CCNJL: variants seen among roughly 807,000 people sequenced by gnomAD.
CCNJL encodes cyclin-J-like protein.
In CCNJL, 33 loss-of-function variants were observed where a neutral mutation model predicts 33.4. That is an observed-to-expected ratio of 0.99 (90% CI 0.75 to 1.32). The LOEUF is 1.32. CCNJL is among the 40% of genes most tolerant of loss of function. The pLI, the probability that CCNJL is intolerant of heterozygous loss-of-function variation, is 0.00. For missense variants in CCNJL, 512 were observed against 499.7 expected (o/e 1.02, Z -0.23); for synonymous variants, 227 against 220.9 (o/e 1.03, Z -0.24).
chr5:160,273,707 C>T (rs1248357220), intron 3 of CCNJL, among the ~76,000 whole-genome samples: 4 of 132,248 alleles, frequency 3.0e-5, no homozygotes, highest in South Asian at 4.8e-4. Flanking sequence ...GGTACAGTGG[C>T]GCGATCTTGG....
At position 160,259,487 on chromosome 5, in the gene CCNJL, G is replaced by A. The variant is rs766213577; in HGVS notation, c.565C>T (p.Leu189=). The A allele has an allele frequency of 7.4e-6, 12 of 1,613,274 alleles. No individual in the cohort carries two copies. The highest frequency in any genetic ancestry group is 1.3e-5 in the African/African-American group (1 of 75,044). Reference sequence around the variant, plus strand: ...CTGTCACCTTGCAGGGTGACCTCTAGGAAGTAATGGGCATACTCCTTGAGG... The same window carrying A: ...CTGTCACCTTGCAGGGTGACCTCTAAGAAGTAATGGGCATACTCCTTGAGG... The part of the protein sequence containing the change: ...ECLKEYAHYF[L]EVTLQDHIFY... The change falls in exon 4 of 6, where the codon CTA becomes TTA. Residue 189 remains leucine, a synonymous_variant. Coordinates refer to ENST00000257536, the MANE Select transcript of CCNJL (RefSeq NM_001308173.3).
At chr5:160,254,410 T>C in intron 5 of CCNJL, 1 of 601,082 alleles carries the variant, frequency 1.7e-6, no homozygotes, top group Non-Finnish European at 2.9e-6. Flanking sequence ...AATTAGAGGC[T>C]TATGTAAGGC....
At chr5:160,305,717 G>C (rs950693909) in intron 2 of CCNJL, among the ~76,000 whole-genome samples, 1 of 152,120 alleles carries the variant, frequency 6.6e-6, no homozygotes. Context: ...TACAATCCGC[G>C]GTTTCATCTC....
In CCNJL at chr5:160,322,051, G is replaced by A. The variant is rs143570949; in HGVS notation, n.207-6546C>T. 5.4e-3 allele frequency among the ~76,000 whole-genome samples: 824 copies of A among 152,272 alleles called. 12 individuals are homozygous for A. Among genetic ancestry groups the A allele is most frequent in the African/African-American group, 0.019 (780 of 41,538 alleles). Reference sequence around the variant, plus strand: ...GAGATGGGGCTGGCTTGGGCAGGGGGAAGAGGTGAAGGGAGTGAGGAGGGG... The same window carrying A: ...GAGATGGGGCTGGCTTGGGCAGGGGAAAGAGGTGAAGGGAGTGAGGAGGGG... On this transcript the variant is annotated intron_variant and non_coding_transcript_variant, in intron 1 of 7. Coordinates refer to the CCNJL transcript ENST00000377503.
At chr5:160,259,228 A>T (rs994253601) in intron 4 of CCNJL, among the ~76,000 whole-genome samples, 3 of 152,226 alleles carry the variant, frequency 2.0e-5, no homozygotes, top group Non-Finnish European at 4.4e-5. Context: ...TTACCAGTTG[A>T]TCTGTAAGTT....
intron 2 of CCNJL, among the ~76,000 whole-genome samples, chr5:160,284,583 C>CT (rs969086237): frequency 8.5e-5 from 13 of 152,216 alleles, no homozygotes; most frequent in Admixed American, 6.5e-5. Flanking sequence ...CCCATTGTCT[C>CT]TGAGGGGAGG....
chr5:160,258,211 C>T, intron 4 of CCNJL: 1 of 588,662 alleles, frequency 1.7e-6, no homozygotes, highest in South Asian at 1.8e-5. Flanking sequence ...GTTGTATCAA[C>T]AGTATTTTTT....
rs377363287 is a variant in CCNJL at position 160,253,592 on chromosome 5, C to T, written c.950G>A (p.Arg317His). The T allele has an allele frequency of 3.8e-5, 62 of 1,613,840 alleles. No homozygotes were observed. The highest frequency in any genetic ancestry group is 1.6e-4 in the Middle Eastern group (1 of 6,082). The change falls in exon 6 of 6, where the codon CGT becomes CAT. Residue 317 changes from arginine (R) to histidine (H), a missense_variant. Arg to His is a conservative substitution (Grantham distance 29). Transcript: ENST00000257536. ...LAYRDSLQAH[R>H]SGSLLSGSTG... ...ACTCCCCGAGAGCAGGCTCCCTGAA[C>T]GGTGGGCCTGCAAGGAGTCCCGATA...
chr5:160,278,043 G>C (rs996755425), intron 3 of CCNJL, among the ~76,000 whole-genome samples: 2 of 152,138 alleles, frequency 1.3e-5, no homozygotes, highest in Non-Finnish European at 2.9e-5. Flanking sequence ...GAGTAGCTGG[G>C]ATTACAGGCA....
chr5:160,315,371 G>C (rs969283658), upstream of CCNJL: 3 of 383,838 alleles, frequency 7.8e-6, no homozygotes, highest in Non-Finnish European at 1.6e-5. Flanking sequence ...GCCAGGTGTG[G>C]TGGTATACAC....
chr5:160,291,524 G>A (rs981130683), intron 2 of CCNJL, among the ~76,000 whole-genome samples: 22 of 152,192 alleles, frequency 1.4e-4, no homozygotes, highest in African/African-American at 5.3e-4. Context: ...TTTGGGGGCA[G>A]AGTAACATCC....
At chr5:160,321,039 T>C (rs1763451866) in intron 1 of CCNJL, among the ~76,000 whole-genome samples, 1 of 99,240 alleles carries the variant, frequency 1.0e-5, no homozygotes, top group Non-Finnish European at 1.9e-5. Context: ...TCTTTCTTTC[T>C]TTCTTTCTTT....
chr5:160,321,074 C>CTT (rs1265965783), intron 1 of CCNJL, among the ~76,000 whole-genome samples: 1 of 112,144 alleles, frequency 8.9e-6, no homozygotes, highest in African/African-American at 5.2e-5. Flanking sequence ...TTCTTTCTTT[C>CTT]TTTCTTTCTT....
chr5:160,339,359 C>CAAAA, intron 1 of CCNJL: 5 of 220,012 alleles, frequency 2.3e-5, no homozygotes, highest in African/African-American at 3.9e-5. Flanking sequence ...ACATGCAAAA[C>CAAAA]AAAAAAAAAA....
At chr5:160,328,305 C>T (rs1169326145) in intron 1 of CCNJL, among the ~76,000 whole-genome samples, 1 of 152,196 alleles carries the variant, frequency 6.6e-6, no homozygotes, top group Non-Finnish European at 1.5e-5. Context: ...GTCACCCTGG[C>T]TGCAGCATGA....
At chr5:160,291,918 GA>G (rs1283283784) in intron 2 of CCNJL, among the ~76,000 whole-genome samples, 1 of 152,140 alleles carries the variant, frequency 6.6e-6, no homozygotes, top group East Asian at 1.9e-4. Flanking sequence ...CAGGGGTGGG[GA>G]ACCACCAGGT....
chr5:160,289,802 C>A (rs988868360), intron 2 of CCNJL, among the ~76,000 whole-genome samples: 34 of 152,142 alleles, frequency 2.2e-4, no homozygotes, highest in African/African-American at 8.2e-4. Flanking sequence ...TTTTCCCAAC[C>A]CCCGTCCCCA....
chr5:160,285,575 C>T (rs1361653898), intron 2 of CCNJL, among the ~76,000 whole-genome samples: 2 of 152,208 alleles, frequency 1.3e-5, no homozygotes, highest in Admixed American at 6.5e-5. Context: ...TCCATGGGAA[C>T]TTCAAAGAAG....
intron 3 of CCNJL, among the ~76,000 whole-genome samples, chr5:160,275,079 TTG>T (rs1761963181): frequency 6.7e-6 from 1 of 149,372 alleles, no homozygotes; most frequent in Non-Finnish European, 1.5e-5. Context: ...TTGGAAGGAT[TTG>T]TGTGTTTTTT....
Sources: gnomAD v4.1 joint callset for allele counts (sites outside exome capture counted in the v4.1 genomes callset) on GRCh38, gnomAD v4.1.1 for gene constraint, MANE v1.5 for transcripts, NCBI Gene and HGNC (gene_info 2026-07-23, HGNC 2026-07-21) for gene names.